FAF1: variants seen among roughly 807,000 people sequenced by gnomAD.
FAF1 encodes FAS-associated factor 1.
In FAF1, 25 loss-of-function variants were observed where a neutral mutation model predicts 92.5. The observed-to-expected ratio is 0.27, with a 90% CI of 0.20 to 0.38. The LOEUF (loss-of-function observed/expected upper bound fraction) is 0.38. Ranked by LOEUF, FAF1 falls within the 10% of genes least tolerant of loss-of-function variation. The probability of loss-of-function intolerance (pLI) is 1.00; values close to 1 mark genes in which losing one functional copy is unlikely to be tolerated. For synonymous variants in FAF1, 234 were observed against 273.2 expected, an observed-to-expected ratio of 0.86 and a Z score of 1.42; for missense variants, 636 against 793.3, an observed-to-expected ratio of 0.80 and a Z score of 2.38.
At chr1:50,694,048 T>C (rs1657073802) in intron 7 of FAF1, among the ~76,000 whole-genome samples, 3 of 151,762 alleles carry the variant, frequency 2.0e-5, no homozygotes, top group Admixed American at 6.6e-5. Context: ...ATACATGACA[T>C]GTATGACATA....
chr1:50,642,625 G>T (rs1211855841), intron 8 of FAF1, among the ~76,000 whole-genome samples: 1 of 151,758 alleles, frequency 6.6e-6, no homozygotes, highest in Non-Finnish European at 1.5e-5. Context: ...CTCCAGCCTG[G>T]GCGACAGAGT....
At position 50,697,438 on chromosome 1, in the gene FAF1, C is replaced by T. The variant is rs561131348; in HGVS notation, c.657+8348G>A. On this transcript the variant is annotated intron_variant, in intron 7 of 18. Transcript: ENST00000396153. ...ATTAACATTCTCTCTCTGGGCCCCC[C>T]TAGCATACTGAGGTGACCCTGTACA... Among the ~76,000 whole-genome samples, 5 of 152,240 alleles carry T rather than the reference C, an allele frequency of 3.3e-5. No individual in the cohort carries two copies. In the South Asian group the frequency reaches 1.0e-3, roughly 32 times the overall value.
chr1:50,682,731 T>C (rs1656479851), intron 7 of FAF1, among the ~76,000 whole-genome samples: 1 of 152,168 alleles, frequency 6.6e-6, no homozygotes. Context: ...GTAAATATGG[T>C]ATACCGAACA....
intron 1 of FAF1, among the ~76,000 whole-genome samples, chr1:50,924,813 T>A (rs1644991293): frequency 1.3e-5 from 2 of 152,066 alleles, no homozygotes; most frequent in Admixed American, 1.3e-4. Context: ...TGAAACCCTG[T>A]CTCTCCAAAA....
chr1:50,483,209 T>G (rs533198549), intron 17 of FAF1, among the ~76,000 whole-genome samples: 1 of 152,286 alleles, frequency 6.6e-6, no homozygotes, highest in African/African-American at 2.4e-5. Context: ...CTATGGGATT[T>G]TTTTTGGATA....
intron 9 of FAF1, among the ~76,000 whole-genome samples, chr1:50,585,635 T>C (rs1296113444): frequency 6.6e-6 from 1 of 152,112 alleles, no homozygotes; most frequent in Non-Finnish European, 1.5e-5. Flanking sequence ...AAGCAAGATA[T>C]CTGGCTACAT....
intron 1 of FAF1, among the ~76,000 whole-genome samples, chr1:50,938,345 T>C (rs1570162992): frequency 6.6e-6 from 1 of 152,204 alleles, no homozygotes; most frequent in African/African-American, 2.4e-5. Flanking sequence ...TAGGAATGTA[T>C]ATGAAACTGA....
At chr1:50,490,425 AAGGAAGGAAGGAAGGAAG>A in intron 17 of FAF1, among the ~76,000 whole-genome samples, 145 bp downstream of exon 17, 1 of 119,314 alleles carries the variant, frequency 8.4e-6, no homozygotes, top group Middle Eastern at 4.0e-3. Context: ...GGAAGGAAGG[AAGGAAGGAAGGAAGGAAG>A]GAAGGAAGGA....
intron 18 of FAF1, among the ~76,000 whole-genome samples, chr1:50,472,596 T>C (rs1572766959): frequency 6.6e-6 from 1 of 152,196 alleles, no homozygotes; most frequent in South Asian, 2.1e-4. Flanking sequence ...AGTATTGTTT[T>C]GGTTGGGGGC....
At chr1:50,503,659 A>G (rs1362607978) in intron 15 of FAF1, among the ~76,000 whole-genome samples, 1 of 152,072 alleles carries the variant, frequency 6.6e-6, no homozygotes, top group Non-Finnish European at 1.5e-5. Context: ...CAAAAAAAAA[A>G]GTAACATGGT....
At chr1:50,757,964 C>A (rs1046571211) in intron 4 of FAF1, among the ~76,000 whole-genome samples, 1 of 152,146 alleles carries the variant, frequency 6.6e-6, no homozygotes, top group Non-Finnish European at 1.5e-5. Context: ...GACACCCAGG[C>A]TGGAGTGCAG....
At chr1:50,829,177 A>C (rs1190379546) in intron 2 of FAF1, among the ~76,000 whole-genome samples, 1 of 152,124 alleles carries the variant, frequency 6.6e-6, no homozygotes, top group Non-Finnish European at 1.5e-5. Context: ...AGAGAGTAGG[A>C]GATAGGTTGT....
intron 8 of FAF1, among the ~76,000 whole-genome samples, chr1:50,602,850 C>T (rs1318972444): frequency 2.0e-5 from 3 of 151,986 alleles, no homozygotes; most frequent in South Asian, 2.1e-4. Context: ...TGAAACCATT[C>T]CGTATTTTAA....
At chr1:50,718,750 T>C (rs753006556) in intron 6 of FAF1, among the ~76,000 whole-genome samples, 2 of 152,230 alleles carry the variant, frequency 1.3e-5, no homozygotes, top group Middle Eastern at 3.2e-3. Context: ...CTTTACCATT[T>C]ATATCTTTCC....
chr1:50,949,962 G>T (rs775689985), intron 1 of FAF1, among the ~76,000 whole-genome samples: 2 of 151,744 alleles, frequency 1.3e-5, no homozygotes, highest in Non-Finnish European at 2.9e-5. Flanking sequence ...GAGTAGCTAG[G>T]ACTACAAGCA....
At chr1:50,844,605 C>T (rs1269350771) in intron 2 of FAF1, among the ~76,000 whole-genome samples, 1 of 150,954 alleles carries the variant, frequency 6.6e-6, no homozygotes, top group African/African-American at 2.4e-5. Flanking sequence ...TTTCATCCCA[C>T]AGCAGTGTCA....
intron 15 of FAF1, among the ~76,000 whole-genome samples, chr1:50,532,859 T>A (rs980992646): frequency 6.6e-6 from 1 of 152,210 alleles, no homozygotes; most frequent in South Asian, 2.1e-4. Flanking sequence ...TCACCCAGAC[T>A]GGAGTATAGT....
At chr1:50,648,986 G>T (rs1467236601) in intron 8 of FAF1, among the ~76,000 whole-genome samples, 1 of 152,062 alleles carries the variant, frequency 6.6e-6, no homozygotes, top group Non-Finnish European at 1.5e-5. Flanking sequence ...GTTTCAATAC[G>T]TTGGCCAGGC....
intron 2 of FAF1, among the ~76,000 whole-genome samples, chr1:50,849,797 A>C (rs1644333129): frequency 6.6e-6 from 1 of 152,094 alleles, no homozygotes. Flanking sequence ...GAGCTACTTA[A>C]ATATCTTCAA....
Sources: gnomAD v4.1 joint callset for allele counts (sites outside exome capture counted in the v4.1 genomes callset) on GRCh38, gnomAD v4.1.1 for gene constraint, MANE v1.5 for transcripts, NCBI Gene and HGNC (gene_info 2026-07-23, HGNC 2026-07-21) for gene names.